The following CLASP1 variants were observed in gnomAD, a reference collection of about 807,000 sequenced individuals.
CLASP1 encodes cytoplasmic linker associated protein 1.
In CLASP1, 38 loss-of-function variants were observed where a neutral mutation model predicts 192.3. That is an observed-to-expected ratio of 0.20 (90% CI 0.15 to 0.26). The LOEUF (loss-of-function observed/expected upper bound fraction) is 0.26, where lower values mean the gene tolerates loss of function less well. Ranked by LOEUF, CLASP1 falls within the 10% of genes least tolerant of loss-of-function variation. CLASP1 has a pLI of 1.00. For missense variants in CLASP1, 1,433 were observed against 1,932.5 expected (o/e 0.74, Z 4.85); for synonymous variants, 691 against 712.8 (o/e 0.97, Z 0.49).
intron 1 of CLASP1, among the ~76,000 whole-genome samples, chr2:121,645,382 G>C (rs2072992343): frequency 6.6e-6 from 1 of 152,208 alleles, no homozygotes; most frequent in African/African-American, 2.4e-5. Flanking sequence ...CCTGTCCAGG[G>C]ACAGATGCCT....
intron 28 of CLASP1, 39 bp downstream of exon 29, chr2:121,401,470 C>A (rs767749477): frequency 6.5e-7 from 1 of 1,546,446 alleles, no homozygotes; most frequent in Non-Finnish European, 8.8e-7. Flanking sequence ...TTACAAGTAT[C>A]CTGTAACATC....
At chr2:121,492,005 C>A (rs532505359) in intron 8 of CLASP1, among the ~76,000 whole-genome samples, 1 of 152,106 alleles carries the variant, frequency 6.6e-6, no homozygotes, top group African/African-American at 2.4e-5. Flanking sequence ...AAATCCAGAA[C>A]GTTTCTTACT....
At chr2:121,414,316 C>T (rs1397451180) in intron 23 of CLASP1, among the ~76,000 whole-genome samples, 113 bp from the exon 24 acceptor site, 1 of 152,228 alleles carries the variant, frequency 6.6e-6, no homozygotes, top group Non-Finnish European at 1.5e-5. Flanking sequence ...GCCATGTTTT[C>T]TCACGAGAAG....
At position 121,536,374 on chromosome 2, in the gene CLASP1, G is replaced by T. The variant is rs2095075875; in HGVS notation, c.196-6049C>A. Among the ~76,000 whole-genome samples, 3 of 86,048 alleles carry T rather than the reference G, an allele frequency of 3.5e-5. No individual in the cohort carries two copies. The Admixed American group carries it at 4.5e-4, about 13-fold the overall frequency. 56.5% of individuals were successfully genotyped at this position (86,048 alleles called of 152,430 possible). On this transcript the variant is annotated intron_variant, in intron 2 of 39. Coordinates refer to ENST00000263710, the Ensembl canonical transcript of CLASP1. ...CCAGCCTGGGCGACAGAGCAAGACT[G>T]TCTGAAAAAAAAAAAAAAAAAAAAA...
rs1259204636 is a variant in CLASP1 at position 121,531,007 on chromosome 2, AATGAAAACCT to A, written c.196-692_196-683del. On this transcript the variant is annotated intron_variant, in intron 2 of 39. Coordinates refer to ENST00000263710, the Ensembl canonical transcript of CLASP1. ...TTTATTTTGGTGCAATTTTTGGAAAAATGAAAACCTGTTTTCATAGACTTATCAGTTCAAA... is the reference window on the plus strand; with the variant it reads ...TTTATTTTGGTGCAATTTTTGGAAAAGTTTTCATAGACTTATCAGTTCAAA... 31 of 700,272 alleles carry A rather than the reference AATGAAAACCT, an allele frequency of 4.4e-5. No individual in the cohort carries two copies. The East Asian group carries it at 7.8e-4, about 18-fold the overall frequency. The allele number at this position is 700,272 out of a possible 1,614,324, so 43.4% of individuals were successfully genotyped here.
chr2:121,646,704 C>A (rs925450072), intron 1 of CLASP1, among the ~76,000 whole-genome samples: 2 of 152,140 alleles, frequency 1.3e-5, no homozygotes. Flanking sequence ...TAAATCAAGA[C>A]ACTAAGCTAC....
intron 4 of CLASP1, among the ~76,000 whole-genome samples, chr2:121,528,230 G>T (rs1255186458): frequency 6.6e-6 from 1 of 151,990 alleles, no homozygotes; most frequent in African/African-American, 2.4e-5. Flanking sequence ...ACTGGCCTCT[G>T]TTTTTTCTGA....
intron 9 of CLASP1, among the ~76,000 whole-genome samples, chr2:121,468,200 A>C (rs766713175): frequency 4.7e-4 from 71 of 152,268 alleles, no homozygotes; most frequent in Non-Finnish European, 8.7e-4. Context: ...GTAGCCTTAT[A>C]GTATAAAGTT....
At chr2:121,580,652 T>G (rs1287556943) in intron 2 of CLASP1, among the ~76,000 whole-genome samples, 1 of 152,262 alleles carries the variant, frequency 6.6e-6, no homozygotes. Flanking sequence ...TGGATAAACA[T>G]GTAAATATTT....
exon 35 of CLASP1, chr2:121,367,615 C>T (rs753994205): frequency 3.7e-6 from 6 of 1,614,046 alleles, no homozygotes; most frequent in Non-Finnish European, 5.1e-6. Context: ...ATGTCGTCAT[C>T]GAACACAGCC....
chr2:121,538,999 A>G (rs2104966254), intron 2 of CLASP1, among the ~76,000 whole-genome samples: 1 of 152,310 alleles, frequency 6.6e-6, no homozygotes, highest in African/African-American at 2.4e-5. Flanking sequence ...CTATGTAACA[A>G]TTTTTAAAAT....
At position 121,432,613 on chromosome 2, in the gene CLASP1, T is replaced by C. The variant is rs1204741584; in HGVS notation, c.1913-2436A>G. 6.6e-5 allele frequency among the ~76,000 whole-genome samples: 10 copies of C among 152,332 alleles called. No homozygotes were observed. In the East Asian group the frequency reaches 1.7e-3, roughly 26 times the overall value. ...AATATTGGTCTTCTCATTCATTGTA[T>C]CTTCTATGTTTATTTAACTTTGTCA... On this transcript the variant is annotated intron_variant, in intron 19 of 39. Transcript: ENST00000263710.
At chr2:121,619,187 A>G (rs2066929468) in intron 1 of CLASP1, among the ~76,000 whole-genome samples, 1 of 152,256 alleles carries the variant, frequency 6.6e-6, no homozygotes, top group Non-Finnish European at 1.5e-5. Flanking sequence ...ACCACATTAC[A>G]TTAAAAAGGC....
rs557260748 is a variant in CLASP1 at position 121,523,036 on chromosome 2, A to G, written c.546+2809T>C. Among the ~76,000 whole-genome samples the G allele has an allele frequency of 3.3e-5, 5 of 152,286 alleles. No homozygotes were observed. In the South Asian group the frequency reaches 1.0e-3, roughly 32 times the overall value. ...TTCACTTGCAAGGACTCTCATAAGG[A>G]TTGAGGGGTGAGGCACTTCCCACTG... On this transcript the variant is annotated intron_variant, in intron 6 of 39. Coordinates refer to ENST00000263710, the Ensembl canonical transcript of CLASP1.
At chr2:121,478,501 T>C (rs1383513243) in intron 8 of CLASP1, among the ~76,000 whole-genome samples, 1 of 151,946 alleles carries the variant, frequency 6.6e-6, no homozygotes, top group African/African-American at 2.4e-5. Context: ...CTCAGGAGGC[T>C]GAGGCAGGAG....
chr2:121,648,408 G>A (rs1046544530), intron 1 of CLASP1, among the ~76,000 whole-genome samples: 1 of 152,084 alleles, frequency 6.6e-6, no homozygotes. Flanking sequence ...TTCTACGAAT[G>A]GTCAGTATTT....
exon 13 of CLASP1, chr2:121,458,855 A>T: frequency 6.2e-7 from 1 of 1,609,276 alleles, no homozygotes; most frequent in South Asian, 1.1e-5. Flanking sequence ...TAATTAACCT[A>T]ACAGCTACAA....
intron 21 of CLASP1, among the ~76,000 whole-genome samples, chr2:121,426,075 G>A (rs998379104): frequency 1.3e-5 from 2 of 152,080 alleles, no homozygotes; most frequent in African/African-American, 4.8e-5. Context: ...AGCCCAGGAG[G>A]TCAAGGCTGA....
At chr2:121,448,433 A>G in intron 17 of CLASP1, 108 bp from the exon 18 acceptor site, 1 of 1,116,886 alleles carries the variant, frequency 9.0e-7, no homozygotes, top group South Asian at 1.3e-5. Flanking sequence ...CAGAGTTTTC[A>G]GAATTTTTTG....
Sources: gnomAD v4.1 joint callset for allele counts (sites outside exome capture counted in the v4.1 genomes callset) on GRCh38, gnomAD v4.1.1 for gene constraint, MANE v1.5 for transcripts, NCBI Gene and HGNC (gene_info 2026-07-23, HGNC 2026-07-21) for gene names.